CSMD1: variants seen among roughly 807,000 people sequenced by gnomAD.
CSMD1 encodes CUB and Sushi multiple domains 1, also known as CUB and sushi domain-containing protein 1.
In CSMD1, 213 loss-of-function variants were observed where a neutral mutation model predicts 417.5. The observed-to-expected ratio is 0.51, with a 90% CI of 0.46 to 0.57. The LOEUF is 0.57. CSMD1 is among the 20% of genes least tolerant of loss of function. The pLI is 0.00. For synonymous variants in CSMD1, 2,862 were observed against 1,736.8 expected (o/e 1.65, Z -16.11); for missense variants, 6,923 against 4,529.7 (o/e 1.53, Z -15.17).
intron 3 of CSMD1, among the ~76,000 whole-genome samples, chr8:4,303,338 A>C (rs1798079192): frequency 6.6e-6 from 1 of 151,922 alleles, no homozygotes; most frequent in African/African-American, 2.4e-5. Context: ...AGGAAGCAAA[A>C]ATTAGCATCT....
At chr8:4,750,916 G>A (rs555701575) in intron 1 of CSMD1, among the ~76,000 whole-genome samples, 1 of 152,208 alleles carries the variant, frequency 6.6e-6, no homozygotes, top group Non-Finnish European at 1.5e-5. Flanking sequence ...AATTTGGATA[G>A]CTCCATTGCC....
Position 4,881,349 on chromosome 8 carries a change from T to C in CSMD1, c.85+112983A>G, listed in dbSNP as rs1258304624. Among the ~76,000 whole-genome samples the C allele has an allele frequency of 2.0e-5, 3 of 152,042 alleles. No individual in the cohort carries two copies. In the East Asian group the frequency reaches 5.8e-4, roughly 29 times the overall value. ...TACATAATAACTAATATACTATGGT[T>C]ACACAGTAACTATTTTGTGAGCAAT... On this transcript the variant is annotated intron_variant, in intron 1 of 69. Transcript: ENST00000635120.
At chr8:4,023,595 T>A (rs1796896658) in intron 4 of CSMD1, among the ~76,000 whole-genome samples, 1 of 150,320 alleles carries the variant, frequency 6.7e-6, no homozygotes. Context: ...TTTTTTTTTT[T>A]TTTTTTCCTG....
chr8:3,715,037 T>G (rs1032777575), intron 6 of CSMD1, among the ~76,000 whole-genome samples: 1 of 152,224 alleles, frequency 6.6e-6, no homozygotes, highest in African/African-American at 2.4e-5. Context: ...TATTCATTAA[T>G]AGACACAATT....
intron 3 of CSMD1, among the ~76,000 whole-genome samples, chr8:4,285,928 T>G (rs1426329573): frequency 6.6e-6 from 1 of 152,084 alleles, no homozygotes; most frequent in African/African-American, 2.4e-5. Flanking sequence ...GCACAAACCT[T>G]TTAAGTGGCT....
At chr8:3,704,145 A>G (rs572327293) in intron 7 of CSMD1, among the ~76,000 whole-genome samples, 1 of 152,250 alleles carries the variant, frequency 6.6e-6, no homozygotes, top group South Asian at 2.1e-4. Flanking sequence ...GTGGCAGAAG[A>G]AAAAAACCAG....
At chr8:4,205,406 CTCTTT>C (rs1239198327) in intron 3 of CSMD1, among the ~76,000 whole-genome samples, 2 of 152,198 alleles carry the variant, frequency 1.3e-5, no homozygotes, top group Non-Finnish European at 2.9e-5. Flanking sequence ...TGTGCCTCAT[CTCTTT>C]TTAGTATCAC....
At chr8:3,026,748 C>T (rs1357261236) in intron 51 of CSMD1, among the ~76,000 whole-genome samples, 1 of 152,230 alleles carries the variant, frequency 6.6e-6, no homozygotes, top group Non-Finnish European at 1.5e-5. Flanking sequence ...TCATGAGGCC[C>T]TTAGCACGTG....
intron 1 of CSMD1, among the ~76,000 whole-genome samples, chr8:4,744,070 G>T (rs1810797574): frequency 6.6e-6 from 1 of 152,206 alleles, no homozygotes; most frequent in Non-Finnish European, 1.5e-5. Flanking sequence ...CTTTGATGAT[G>T]ATTCAATTAA....
chr8:3,477,773 C>T (rs755974433), intron 11 of CSMD1, among the ~76,000 whole-genome samples: 12 of 152,084 alleles, frequency 7.9e-5, no homozygotes, highest in Non-Finnish European at 1.5e-4. Flanking sequence ...TGAGGAGGTA[C>T]TGAGAGCAAG....
intron 6 of CSMD1, among the ~76,000 whole-genome samples, chr8:3,710,143 T>C (rs781480953): frequency 1.8e-4 from 28 of 152,272 alleles, no homozygotes; most frequent in Non-Finnish European, 3.4e-4. Context: ...TCCTGATATT[T>C]TTAGGCTATA....
At chr8:3,944,009 C>T (rs1478009057) in intron 5 of CSMD1, among the ~76,000 whole-genome samples, 1 of 152,050 alleles carries the variant, frequency 6.6e-6, no homozygotes, top group African/African-American at 2.4e-5. Flanking sequence ...AATATATTGA[C>T]TTTAATAGTT....
chr8:3,294,760 C>G (rs916165356), intron 25 of CSMD1, among the ~76,000 whole-genome samples: 3 of 152,156 alleles, frequency 2.0e-5, no homozygotes, highest in African/African-American at 7.2e-5. Context: ...TTCCCTGACC[C>G]CTTGCACTTC....
In CSMD1 at chr8:3,586,230, C is replaced by A; in HGVS notation, c.1128G>T (p.Glu376Asp). 6.2e-7 allele frequency: 1 copy of A among 1,611,570 alleles called. No individual in the cohort carries two copies. Among genetic ancestry groups the A allele is most frequent in the Non-Finnish European group, 8.5e-7 (1 of 1,179,140 alleles). ...RVGANVQFSC[E>D]DNYVLQGSKS... ...TAGATCCCTGGAGCACGTAATTGTC[C>A]TCACATGAAAACTGTACATTTGCAC... Residue 376 changes from glutamate to aspartate, a missense_variant, in exon 9 of 70, where the codon GAG becomes GAT. Physicochemically the swap from Glu to Asp is conservative, Grantham distance 45. Transcript: ENST00000635120.
At chr8:4,194,681 A>T (rs1271610074) in intron 3 of CSMD1, among the ~76,000 whole-genome samples, 2 of 152,180 alleles carry the variant, frequency 1.3e-5, no homozygotes, top group African/African-American at 4.8e-5. Context: ...GGGGAAAAGG[A>T]TCATACAACA....
At chr8:4,667,987 A>G (rs573097115) in intron 1 of CSMD1, among the ~76,000 whole-genome samples, 1 of 152,304 alleles carries the variant, frequency 6.6e-6, no homozygotes, top group African/African-American at 2.4e-5. Flanking sequence ...AAAATCTACA[A>G]TATTTTCGAC....
intron 5 of CSMD1, among the ~76,000 whole-genome samples, chr8:3,782,930 A>G (rs188570491): frequency 1.3e-5 from 2 of 152,218 alleles, no homozygotes. Context: ...TTAAAAATAC[A>G]TGGCAAGAGA....
At chr8:3,072,935 G>T (rs1431090324) in intron 49 of CSMD1, among the ~76,000 whole-genome samples, 2 of 152,034 alleles carry the variant, frequency 1.3e-5, no homozygotes, top group African/African-American at 2.4e-5. Context: ...ATAATATTAA[G>T]AATAGACAAA....
At chr8:4,731,615 C>T (rs189394304) in intron 1 of CSMD1, among the ~76,000 whole-genome samples, 1 of 152,186 alleles carries the variant, frequency 6.6e-6, no homozygotes, top group Admixed American at 6.5e-5. Flanking sequence ...AAAATCAACC[C>T]ATCCCTGCAC....
Sources: gnomAD v4.1 joint callset for allele counts (sites outside exome capture counted in the v4.1 genomes callset) on GRCh38, gnomAD v4.1.1 for gene constraint, MANE v1.5 for transcripts, NCBI Gene and HGNC (gene_info 2026-07-23, HGNC 2026-07-21) for gene names.